RBFOX1: variants seen among roughly 807,000 people sequenced by gnomAD.
RBFOX1 encodes RNA binding fox-1 homolog 1, also known as RNA binding protein fox-1 homolog 1.
RBFOX1 carries 8 observed loss-of-function variants against 57.7 expected under a neutral mutation model. The observed-to-expected ratio is 0.14, with a 90% CI of 0.08 to 0.25. The LOEUF (loss-of-function observed/expected upper bound fraction) is 0.25. Ranked by LOEUF, RBFOX1 falls within the 10% of genes least tolerant of loss-of-function variation. The pLI, the probability that RBFOX1 is intolerant of heterozygous loss-of-function variation, is 1.00. For synonymous variants in RBFOX1, 326 were observed against 222.4 expected, an observed-to-expected ratio of 1.47 and a Z score of -4.15; for missense variants, 611 against 548.5, an observed-to-expected ratio of 1.11 and a Z score of -1.14.
At chr16:7,200,582 T>G (rs149244963) in intron 4 of RBFOX1, among the ~76,000 whole-genome samples, 2 of 152,318 alleles carry the variant, frequency 1.3e-5, no homozygotes, top group African/African-American at 4.8e-5. Context: ...GAAGGAGTTG[T>G]GACAGAAACT....
intron 5 of RBFOX1, among the ~76,000 whole-genome samples, chr16:7,579,380 C>A (rs796427998): frequency 2.0e-5 from 3 of 152,084 alleles, no homozygotes; most frequent in African/African-American, 4.8e-5. Flanking sequence ...AAGATTATTA[C>A]CCCCTTCTTG....
chr16:5,286,685 A>G (rs935577042), intron 1 of RBFOX1, among the ~76,000 whole-genome samples: 4 of 152,202 alleles, frequency 2.6e-5, no homozygotes, highest in African/African-American at 9.6e-5. Context: ...CTCAGAATCT[A>G]AACCTTAGAC....
At chr16:6,688,227 G>T (rs965331835) in intron 3 of RBFOX1, among the ~76,000 whole-genome samples, 1 of 152,066 alleles carries the variant, frequency 6.6e-6, no homozygotes, top group African/African-American at 2.4e-5. Context: ...GCTAGAGCAG[G>T]AGGAAGAGAG....
intron 4 of RBFOX1, among the ~76,000 whole-genome samples, chr16:7,216,251 AGAACATCG>A (rs1673627719): frequency 1.3e-5 from 2 of 152,186 alleles, no homozygotes; most frequent in South Asian, 2.1e-4. Context: ...ATATTAGTTA[AGAACATCG>A]GAAAGTCCAG....
chr16:6,482,304 C>G (rs966310332), intron 2 of RBFOX1, among the ~76,000 whole-genome samples: 2 of 152,196 alleles, frequency 1.3e-5, no homozygotes, highest in African/African-American at 4.8e-5. Context: ...GTGCACACAG[C>G]TTGCAGTTCT....
intron 2 of RBFOX1, among the ~76,000 whole-genome samples, chr16:6,616,459 G>A (rs557872020): frequency 1.3e-5 from 2 of 151,910 alleles, no homozygotes; most frequent in East Asian, 3.9e-4. Context: ...GGTGGATCAC[G>A]AGGTCAGGAG....
intron 4 of RBFOX1, among the ~76,000 whole-genome samples, chr16:7,299,850 C>G (rs1057421074): frequency 5.3e-5 from 8 of 152,138 alleles, no homozygotes; most frequent in Admixed American, 6.5e-5. Context: ...GGGTTATGTC[C>G]TAATAAACCC....
chr16:5,584,972 G>C (rs1470272459), intron 2 of RBFOX1, among the ~76,000 whole-genome samples: 1 of 149,850 alleles, frequency 6.7e-6, no homozygotes, highest in Non-Finnish European at 1.5e-5. Context: ...GTCTGGGTCT[G>C]CTGGGAATTT....
At chr16:7,519,774 A>G (rs1174488504) in intron 5 of RBFOX1, 1 of 929,566 alleles carries the variant, frequency 1.1e-6, no homozygotes, top group Admixed American at 6.2e-5. Flanking sequence ...TTTGTGAAGG[A>G]GTTTATGGCT....
At chr16:5,434,142 T>G (rs1291133719) in intron 1 of RBFOX1, among the ~76,000 whole-genome samples, 2 of 152,124 alleles carry the variant, frequency 1.3e-5, no homozygotes. Flanking sequence ...CAGTCATAGC[T>G]GCGTTTTGTT....
chr16:7,666,475 C>A (rs2069316907), intron 13 of RBFOX1, among the ~76,000 whole-genome samples: 1 of 152,048 alleles, frequency 6.6e-6, no homozygotes, highest in African/African-American at 2.4e-5. Context: ...GCCTCAGTTT[C>A]TTCAAACTGA....
rs538993591 is a variant in RBFOX1, at chr16:6,699,723, G to A, written c.-16+45073G>A. On this transcript the variant is annotated intron_variant, in intron 3 of 15. Coordinates refer to ENST00000550418, the MANE Select transcript of RBFOX1 (RefSeq NM_018723.4). Reference sequence around the variant, plus strand: ...AGAAGGACATAAAATGAATGATCAGGCATGGCCGTTGCCTTGAAGGAGTTT... The same window carrying A: ...AGAAGGACATAAAATGAATGATCAGACATGGCCGTTGCCTTGAAGGAGTTT... 1.5e-4 allele frequency among the ~76,000 whole-genome samples: 23 copies of A among 152,256 alleles called. No individual in the cohort carries two copies. In the East Asian group the frequency reaches 4.5e-3, roughly 29 times the overall value.
intron 3 of RBFOX1, among the ~76,000 whole-genome samples, chr16:6,745,008 C>T (rs997988795): frequency 6.6e-6 from 1 of 151,932 alleles, no homozygotes. Context: ...GGCATCACTA[C>T]AGACTCTATA....
intron 3 of RBFOX1, among the ~76,000 whole-genome samples, chr16:6,762,225 C>G (rs2076708478): frequency 6.6e-6 from 1 of 152,018 alleles, no homozygotes; most frequent in Non-Finnish European, 1.5e-5. Flanking sequence ...TAAATAATTG[C>G]AAATAATCTA....
chr16:5,920,513 G>T (rs1292606514), intron 4 of RBFOX1, among the ~76,000 whole-genome samples: 1 of 152,118 alleles, frequency 6.6e-6, no homozygotes, highest in Non-Finnish European at 1.5e-5. Context: ...ACTTATAGGG[G>T]AACTGATCAC....
At chr16:7,337,161 G>T (rs1248980202) in intron 4 of RBFOX1, among the ~76,000 whole-genome samples, 1 of 152,136 alleles carries the variant, frequency 6.6e-6, no homozygotes, top group Non-Finnish European at 1.5e-5. Context: ...GTAGCCCAAG[G>T]TCACAAAGAA....
intron 4 of RBFOX1, among the ~76,000 whole-genome samples, chr16:7,302,825 A>G (rs2096065887): frequency 6.7e-6 from 1 of 149,172 alleles, no homozygotes. Context: ...ATCCTATTTT[A>G]TTGCATAAAG....
rs556958842 is a variant in RBFOX1, at chr16:6,226,602, G to T, written c.-126-90393G>T. 2.6e-5 allele frequency among the ~76,000 whole-genome samples: 4 copies of T among 152,148 alleles called. No individual in the cohort carries two copies. The East Asian group carries it at 7.7e-4, about 29-fold the overall frequency. ...ATATTATGGATAGTGATATAGTAAA[G>T]GTATGAAAGTCAAAAGAATTACTCA... On this transcript the variant is annotated intron_variant, in intron 1 of 15. Transcript: ENST00000550418.
In RBFOX1 at chr16:6,561,442, A is replaced by G. The variant is rs953319253; in HGVS notation, c.-63-93161A>G. On this transcript the variant is annotated intron_variant, in intron 2 of 15. Coordinates refer to ENST00000550418, the MANE Select transcript of RBFOX1 (RefSeq NM_018723.4). Reference sequence around the variant, plus strand: ...CGTGTACCAAATATGTATTTACCCAATAGGCTGTAACAGTTCTGAGGAAAC... The same window carrying G: ...CGTGTACCAAATATGTATTTACCCAGTAGGCTGTAACAGTTCTGAGGAAAC... 3.3e-5 allele frequency among the ~76,000 whole-genome samples: 5 copies of G among 152,224 alleles called. 1 individual carries two copies. In the South Asian group the frequency reaches 6.2e-4, roughly 19 times the overall value.
Sources: allele counts gnomAD v4.1 joint callset (sites outside exome capture counted in the v4.1 genomes callset), GRCh38; gene constraint gnomAD v4.1.1; transcripts MANE v1.5; gene names NCBI Gene and HGNC (gene_info 2026-07-23, HGNC 2026-07-21).